The following STK4 variants were observed in gnomAD, a reference collection of about 807,000 sequenced individuals.
STK4 encodes serine/threonine-protein kinase 4.
In STK4, 30 loss-of-function variants were observed where a neutral mutation model predicts 64.9. The ratio of observed to expected loss-of-function variants is 0.46; its 90% CI spans 0.35 to 0.63. The LOEUF (loss-of-function observed/expected upper bound fraction) is 0.63, where lower values mean the gene tolerates loss of function less well. Among genes scored for constraint, STK4 ranks in the 20% least tolerant of loss-of-function variants. STK4 has a pLI of 0.01. For missense variants in STK4, 466 were observed against 598.5 expected, an observed-to-expected ratio of 0.78 and a Z score of 2.31; for synonymous variants, 177 against 199.0, an observed-to-expected ratio of 0.89 and a Z score of 0.93.
rs1427880156 is a variant in STK4, at chr20:45,001,221, G to A, written c.1015G>A (p.Gly339Ser). 2 of 1,613,928 alleles carry A rather than the reference G, an allele frequency of 1.2e-6. No individual in the cohort carries two copies. The highest frequency in any genetic ancestry group is 2.2e-5 in the East Asian group (1 of 44,894). ...GGTTCGAGCAGTGGGTGATGAGATG[G>A]GCACTGTCCGAGTAGCCAGCACCAT... ...TMVRAVGDEM[G>S]TVRVASTMTD... Residue 339 changes from glycine to serine, a missense_variant, in exon 9 of 11, where the codon GGC (glycine) becomes AGC (serine). Coordinates refer to ENST00000372806, the MANE Select transcript of STK4 (RefSeq NM_006282.5).
chr20:45,053,055 TATA>T (rs759807219), intron 10 of STK4: 1 of 1,500,064 alleles, frequency 6.7e-7, no homozygotes, highest in Non-Finnish European at 9.3e-7. Context: ...TGCTTTGGAA[TATA>T]ATGAGATTTT....
At chr20:45,052,924 G>T (rs1185138302) in intron 10 of STK4, among the ~76,000 whole-genome samples, 1 of 152,192 alleles carries the variant, frequency 6.6e-6, no homozygotes, top group African/African-American at 2.4e-5. Context: ...TAGTCCTGTC[G>T]AGCAGTTTCT....
chr20:45,034,345 A>G (rs879542431), intron 10 of STK4, among the ~76,000 whole-genome samples: 4 of 152,080 alleles, frequency 2.6e-5, no homozygotes, highest in Non-Finnish European at 4.4e-5. Context: ...GTACCAATAA[A>G]CTGCAGTAGG....
At chr20:44,986,413 G>A (rs998772678) in intron 4 of STK4, among the ~76,000 whole-genome samples, 10 of 152,212 alleles carry the variant, frequency 6.6e-5, no homozygotes, top group African/African-American at 9.6e-5. Flanking sequence ...AAGGAAGCAA[G>A]CCCTTGTTGA....
chr20:44,968,022 C>T (rs2067181268), intron 1 of STK4, among the ~76,000 whole-genome samples: 1 of 152,154 alleles, frequency 6.6e-6, no homozygotes, highest in Non-Finnish European at 1.5e-5. Context: ...CCCTATATGT[C>T]TGTTTTACAG....
chr20:45,030,211 C>T (rs1415903842), intron 10 of STK4, among the ~76,000 whole-genome samples: 3 of 151,528 alleles, frequency 2.0e-5, no homozygotes, highest in Non-Finnish European at 4.4e-5. Flanking sequence ...GGTTCAAGCA[C>T]TTCTCTGCCT....
At chr20:44,991,159 A>G (rs2067626055) in intron 5 of STK4, among the ~76,000 whole-genome samples, 1 of 152,196 alleles carries the variant, frequency 6.6e-6, no homozygotes, top group Admixed American at 6.5e-5. Flanking sequence ...TGTCATCTTT[A>G]CCCAAGACTC....
At chr20:45,025,901 A>G (rs1285960020) in intron 10 of STK4, among the ~76,000 whole-genome samples, 1 of 152,170 alleles carries the variant, frequency 6.6e-6, no homozygotes, top group Non-Finnish European at 1.5e-5. Flanking sequence ...CTGGCTTTCC[A>G]CTATACTACT....
chr20:44,994,963 A>G (rs1011210429), intron 5 of STK4, 127 bp from the exon 6 acceptor site: 3 of 744,186 alleles, frequency 4.0e-6, no homozygotes, highest in South Asian at 4.4e-5. Flanking sequence ...GCATTTTTTT[A>G]TTGTTGGAAA....
intron 9 of STK4, chr20:45,004,472 A>T (rs1482377514): frequency 6.6e-6 from 1 of 152,088 alleles, no homozygotes; most frequent in African/African-American, 2.4e-5. Context: ...AATAAAAAAA[A>T]AATAATCTTT....
In STK4 at chr20:45,076,930, A is replaced by G. The variant is rs1485249432; in HGVS notation, c.*1754A>G. On this transcript the variant is annotated 3_prime_UTR_variant, in exon 11 of 11. Transcript: ENST00000372806. The surrounding 1 kb of genome is among the most constrained non-coding windows in gnomAD (Gnocchi z 4.0). ...GGCAACTGAAATAGCTATGTGGCGGATACGGAAAACAGAGGACAATTTGAG... is the reference window on the plus strand; with the variant it reads ...GGCAACTGAAATAGCTATGTGGCGGGTACGGAAAACAGAGGACAATTTGAG... 1 of 152,244 alleles carries G rather than the reference A, an allele frequency of 6.6e-6. No homozygotes were observed. The highest frequency in any genetic ancestry group is 1.5e-5 in the Non-Finnish European group (1 of 68,048). The allele number at this position is 152,244 out of a possible 1,614,324, so 9.4% of individuals were successfully genotyped here. A position where few individuals can be genotyped will look rare whatever the true frequency, so the allele number is the denominator to read the frequency against.
At chr20:45,005,515 G>A (rs1192673607) in intron 9 of STK4, among the ~76,000 whole-genome samples, 2 of 152,114 alleles carry the variant, frequency 1.3e-5, no homozygotes, top group African/African-American at 4.8e-5. Context: ...GGGCATGGTG[G>A]CAGGCGCCTA....
chr20:44,997,221 T>C lies in STK4; in HGVS notation c.746T>C (p.Leu249Pro), dbSNP rs778235129. The change falls in exon 7 of 11, where the codon CTA becomes CCA. Residue 249 changes from leucine (L) to proline (P), a missense_variant. Leu to Pro is a moderately conservative substitution (Grantham distance 98, BLOSUM62 -3). Coordinates refer to ENST00000372806, the MANE Select transcript of STK4 (RefSeq NM_006282.5). ...NPPPTFRKPE[L>P]WSDNFTDFVK... ...CCTCCCACATTCCGAAAACCAGAGC[T>C]ATGGTCAGATAACTTTACAGATTTT... 2.5e-6 allele frequency: 4 copies of C among 1,613,984 alleles called. No individual in the cohort carries two copies. The South Asian group carries it at 4.4e-5, about 18-fold the overall frequency.
At chr20:45,020,443 T>C (rs1020336467) in intron 9 of STK4, among the ~76,000 whole-genome samples, 1 of 123,114 alleles carries the variant, frequency 8.1e-6, no homozygotes, top group Non-Finnish European at 1.8e-5. Context: ...TTTATGCGTG[T>C]GTGTGTGTGT....
chr20:44,968,392 T>C (rs2267854), intron 1 of STK4, among the ~76,000 whole-genome samples: 82,661 of 152,066 alleles, frequency 0.54, 23,755 homozygotes, highest in African/African-American at 0.72. Flanking sequence ...CCACCTTGGC[T>C]TCTCAAAGTG....
chr20:45,031,904 C>CAA (rs11431524), intron 10 of STK4, among the ~76,000 whole-genome samples: 6,986 of 75,220 alleles, frequency 0.093, 933 homozygotes, highest in African/African-American at 0.3. Context: ...GACTTCATCT[C>CAA]AAAAAAAAAA....
intron 2 of STK4, chr20:44,975,329 T>C: frequency 5.1e-6 from 5 of 984,130 alleles, no homozygotes; most frequent in Non-Finnish European, 6.0e-6. Flanking sequence ...TTCAGATTAC[T>C]GTAGATGCAG....
chr20:45,038,809 G>C (rs2068567548), intron 10 of STK4, among the ~76,000 whole-genome samples: 1 of 151,610 alleles, frequency 6.6e-6, no homozygotes, highest in African/African-American at 2.4e-5. Flanking sequence ...TAAAAAAAAA[G>C]CTAATTATAC....
chr20:45,014,477 G>C (rs960271371), intron 9 of STK4, among the ~76,000 whole-genome samples: 1 of 151,956 alleles, frequency 6.6e-6, no homozygotes, highest in Non-Finnish European at 1.5e-5. Context: ...ACTTGATGTA[G>C]AAAGAATCCA....
Sources: allele counts gnomAD v4.1 joint callset (sites outside exome capture counted in the v4.1 genomes callset), GRCh38; gene constraint gnomAD v4.1.1; non-coding constraint Gnocchi (gnomAD v3.1); transcripts MANE v1.5; gene names NCBI Gene and HGNC (gene_info 2026-07-23, HGNC 2026-07-21).